KCNQ3: variants seen among roughly 807,000 people sequenced by gnomAD.
KCNQ3 encodes potassium voltage-gated channel subfamily Q member 3, also known as potassium voltage-gated channel subfamily KQT member 3.
In KCNQ3, 30 loss-of-function variants were observed where a neutral mutation model predicts 92.5. The observed-to-expected ratio is 0.32, with a 90% confidence interval of 0.24 to 0.44. The LOEUF (loss-of-function observed/expected upper bound fraction) is 0.44. Ranked by LOEUF, KCNQ3 falls within the 20% of genes least tolerant of loss-of-function variation. KCNQ3 has a pLI of 1.00. For synonymous variants in KCNQ3, 450 were observed against 468.8 expected, an observed-to-expected ratio of 0.96 and a Z score of 0.52; for missense variants, 913 against 1,140.3, an observed-to-expected ratio of 0.80 and a Z score of 2.87.
Position 132,154,192 on chromosome 8 carries a change from A to AT in KCNQ3, c.1262+9275_1262+9276insA, listed in dbSNP as rs1563775830. Among the ~76,000 whole-genome samples, 10 of 104,474 alleles carry AT rather than the reference A, an allele frequency of 9.6e-5. 1 individual carries two copies. Among genetic ancestry groups the AT allele is most frequent in the East Asian group, 2.7e-4 (1 of 3,752 alleles). 68.5% of individuals were successfully genotyped at this position (104,474 alleles called of 152,430 possible). On this transcript the variant is annotated intron_variant, in intron 9 of 14. Transcript: ENST00000388996. ...CCTGATGTACCATCAAAAGGGTAAAAGTTTTTTTTTTTTTTTTTTTTTTTT... is the reference window on the plus strand; with the variant it reads ...CCTGATGTACCATCAAAAGGGTAAAATGTTTTTTTTTTTTTTTTTTTTTTTT...
chr8:132,159,394 A>G (rs574157828), intron 9 of KCNQ3, among the ~76,000 whole-genome samples: 19 of 152,286 alleles, frequency 1.2e-4, no homozygotes, highest in African/African-American at 4.3e-4. Flanking sequence ...ATAGTATCTT[A>G]CACCACACCC....
chr8:132,130,018 G>A, intron 14 of KCNQ3, 22 bp from the exon 15 acceptor site: 2 of 1,609,630 alleles, frequency 1.2e-6, no homozygotes, highest in Non-Finnish European at 1.7e-6. Flanking sequence ...AAGGAGCTGT[G>A]AATTACCACT....
At position 132,129,513 on chromosome 8, in the gene KCNQ3, G is replaced by C; in HGVS notation, c.2368C>G (p.Leu790Val). The C allele has an allele frequency of 6.2e-7, 1 of 1,614,212 alleles. No homozygotes were observed. The highest frequency in any genetic ancestry group is 2.2e-5 in the East Asian group (1 of 44,868). ...TCGTGGTTGACCGACATCAGGGACA[G>C]AGGTGTGTCACTGTCTCGCGTGATG... is the stretch of plus-strand genomic sequence containing the variant. Reference protein sequence around the residue: ...RSITRDSDTPLSLMSVNHEEL... With the variant: ...RSITRDSDTPVSLMSVNHEEL... Residue 790 changes from leucine (L) to valine (V), a missense_variant, in exon 15 of 15, where the codon CTG becomes GTG. Coordinates refer to ENST00000388996, the MANE Select transcript of KCNQ3 (RefSeq NM_004519.4). This position sits in a 1 kb window ranked among gnomAD's most constrained non-coding sequence, Gnocchi z 5.9.
At chr8:132,369,088 C>T (rs1475932799) in intron 1 of KCNQ3, among the ~76,000 whole-genome samples, 3 of 152,070 alleles carry the variant, frequency 2.0e-5, no homozygotes, top group Non-Finnish European at 2.9e-5. Context: ...TGGGTTTGTA[C>T]GGTGTTCTTT....
intron 1 of KCNQ3, among the ~76,000 whole-genome samples, chr8:132,358,945 G>A (rs1163051488): frequency 1.3e-5 from 2 of 152,212 alleles, no homozygotes; most frequent in Non-Finnish European, 2.9e-5. Context: ...TCGAGGATGA[G>A]GGAATACAAC....
intron 1 of KCNQ3, among the ~76,000 whole-genome samples, chr8:132,426,550 A>G (rs1821117208): frequency 2.0e-5 from 3 of 152,224 alleles, no homozygotes; most frequent in Admixed American, 6.5e-5. Flanking sequence ...AGAATAAACT[A>G]TCGATCTCCC....
chr8:132,432,150 C>T (rs1368601866), intron 1 of KCNQ3, among the ~76,000 whole-genome samples: 1 of 152,134 alleles, frequency 6.6e-6, no homozygotes, highest in Non-Finnish European at 1.5e-5. Context: ...ATTCACATCC[C>T]CAGGGGACCA....
chr8:132,371,597 T>G (rs898864498), intron 1 of KCNQ3, among the ~76,000 whole-genome samples: 2 of 152,200 alleles, frequency 1.3e-5, no homozygotes, highest in East Asian at 3.9e-4. Context: ...GAAATCCCTC[T>G]CTGAGATCTT....
At chr8:132,434,690 C>A (rs1486433957) in intron 1 of KCNQ3, among the ~76,000 whole-genome samples, 4 of 152,200 alleles carry the variant, frequency 2.6e-5, no homozygotes, top group Admixed American at 2.6e-4. Flanking sequence ...AGAGCCATCT[C>A]AGATAAGACC....
In KCNQ3 at chr8:132,470,406, A is replaced by G. The variant is rs547901567; in HGVS notation, c.386+9741T>C. On this transcript the variant is annotated intron_variant, in intron 1 of 14. Coordinates refer to ENST00000388996, the MANE Select transcript of KCNQ3 (RefSeq NM_004519.4). ...TTACCTGGCTTCACCAATTGTTAAT[A>G]TGTTTGCCACATTTTCTTTTTCTCT... Among the ~76,000 whole-genome samples, 23 of 152,316 alleles carry G rather than the reference A, an allele frequency of 1.5e-4. No individual in the cohort carries two copies. In the South Asian group the frequency reaches 3.7e-3, roughly 25 times the overall value.
rs116974413 is a variant in KCNQ3, at chr8:132,312,760, T to A, written c.387-126579A>T. ...CTTCACACTCTCGCTCTCCCTCACC[T>A]GCTGCCATGTAAGACATGCCTGCTT... On this transcript the variant is annotated intron_variant, in intron 1 of 14. Transcript: ENST00000388996. Among the ~76,000 whole-genome samples, 986 of 152,296 alleles carry A rather than the reference T, an allele frequency of 6.5e-3. 4 individuals carry two copies. Among genetic ancestry groups the A allele is most frequent in the Non-Finnish European group, 0.01 (713 of 68,026 alleles).
At chr8:132,186,244 A>T (rs2130184770) in intron 1 of KCNQ3, 63 bp from the exon 2 acceptor site, 1 of 1,204,632 alleles carries the variant, frequency 8.3e-7, no homozygotes, top group Non-Finnish European at 1.2e-6. Context: ...TGAGGCTAAG[A>T]TGGGGAAAGG....
intron 1 of KCNQ3, among the ~76,000 whole-genome samples, chr8:132,215,227 A>G (rs1813991414): frequency 6.6e-6 from 1 of 152,208 alleles, no homozygotes. Context: ...TCACCTGAAA[A>G]ATGGGATTAA....
intron 1 of KCNQ3, among the ~76,000 whole-genome samples, chr8:132,371,739 A>T (rs914004111): frequency 3.3e-5 from 5 of 152,240 alleles, no homozygotes; most frequent in African/African-American, 1.2e-4. Flanking sequence ...TCCCTTTAAG[A>T]GTCAAGAAGC....
chr8:132,154,223 T>TTTTTTTTTTTTTTTTTTTGA (rs1825737377), intron 9 of KCNQ3, among the ~76,000 whole-genome samples: 1 of 131,788 alleles, frequency 7.6e-6, no homozygotes, highest in Non-Finnish European at 1.6e-5. Flanking sequence ...TTTTTTTTTT[T>TTTTTTTTTTTTTTTTTTTGA]AGCCAATCAG....
At chr8:132,186,268 G>A in intron 1 of KCNQ3, 87 bp from the exon 2 acceptor site, 1 of 921,530 alleles carries the variant, frequency 1.1e-6, no homozygotes, top group South Asian at 1.4e-5. Context: ...CTTCCAGGAT[G>A]AAGCTGCAAC....
At chr8:132,368,805 C>G in intron 1 of KCNQ3, among the ~76,000 whole-genome samples, 1 of 152,122 alleles carries the variant, frequency 6.6e-6, no homozygotes, top group East Asian at 1.9e-4. Flanking sequence ...GCTCATATAT[C>G]CACAACCAGT....
intron 1 of KCNQ3, among the ~76,000 whole-genome samples, chr8:132,274,328 T>C (rs1392286716): frequency 6.6e-6 from 1 of 152,152 alleles, no homozygotes; most frequent in Non-Finnish European, 1.5e-5. Flanking sequence ...TCAGATCTCG[T>C]GAGACTTATT....
chr8:132,388,054 GAAGAGA>G (rs1819942864), intron 1 of KCNQ3, among the ~76,000 whole-genome samples: 2 of 150,878 alleles, frequency 1.3e-5, no homozygotes, highest in African/African-American at 2.4e-5. Flanking sequence ...AGAAGAAGAA[GAAGAGA>G]AGAAGAAGAA....
Sources: allele counts gnomAD v4.1 joint callset (sites outside exome capture counted in the v4.1 genomes callset), GRCh38; gene constraint gnomAD v4.1.1; non-coding constraint Gnocchi (gnomAD v3.1); transcripts MANE v1.5; gene names NCBI Gene and HGNC (gene_info 2026-07-23, HGNC 2026-07-21).